The following NRBF2 variants were observed in gnomAD, a reference collection of about 807,000 sequenced individuals.
NRBF2 encodes nuclear receptor binding factor 2.
NRBF2 carries 12 observed loss-of-function variants against 28.5 expected under a neutral mutation model. The ratio of observed to expected loss-of-function variants is 0.42; its 90% CI spans 0.27 to 0.68. NRBF2 has a LOEUF of 0.68. Ranked by LOEUF, NRBF2 falls within the 30% of genes least tolerant of loss-of-function variation. NRBF2 has a pLI of 0.24. For missense variants in NRBF2, 274 were observed against 333.5 expected (o/e 0.82, Z 1.39); for synonymous variants, 102 against 116.5 (o/e 0.88, Z 0.80).
chr10:63,144,554 A>G (rs1435874046), intron 1 of NRBF2, among the ~76,000 whole-genome samples: 1 of 151,956 alleles, frequency 6.6e-6, no homozygotes, highest in Admixed American at 6.6e-5. Context: ...AGCTGGGACA[A>G]CAGGTGCCCC....
chr10:63,149,067 G>A (rs138534244), intron 2 of NRBF2, among the ~76,000 whole-genome samples: 50 of 152,306 alleles, frequency 3.3e-4, no homozygotes, highest in African/African-American at 1.2e-3. Context: ...CTTTGTATGC[G>A]TTGGGACCAG....
intron 2 of NRBF2, among the ~76,000 whole-genome samples, chr10:63,150,528 G>T (rs12415984): frequency 6.6e-6 from 1 of 151,790 alleles, no homozygotes; most frequent in Non-Finnish European, 1.5e-5. Flanking sequence ...TAGCCACTGC[G>T]CCTGGCTCCA....
Position 63,133,341 on chromosome 10 carries a change from C to G in NRBF2, c.-130C>G. The G allele has an allele frequency of 9.2e-7, 1 of 1,088,832 alleles. No individual in the cohort carries two copies. The allele number at this position is 1,088,832 out of a possible 1,614,324, so 67.4% of individuals were successfully genotyped here. A position where few individuals can be genotyped will look rare whatever the true frequency, so the allele number is the denominator to read the frequency against. ...GGTGAGGTTGTTGCTCCTTCAGCGC[C>G]TATCGCTGGCTCTTGGGGCGCAGAG... On this transcript the variant is annotated 5_prime_UTR_variant, in exon 1 of 4. Coordinates refer to ENST00000277746, the MANE Select transcript of NRBF2 (RefSeq NM_030759.5).
At chr10:63,136,293 G>A (rs1482131888) in intron 1 of NRBF2, among the ~76,000 whole-genome samples, 1 of 151,894 alleles carries the variant, frequency 6.6e-6, no homozygotes, top group Non-Finnish European at 1.5e-5. Flanking sequence ...CACCCTGCCC[G>A]GCTATGAAAA....
At chr10:63,152,259 TA>T in intron 3 of NRBF2, 69 bp downstream of exon 3, 1 of 1,198,770 alleles carries the variant, frequency 8.3e-7, no homozygotes, top group Non-Finnish European at 1.2e-6. Flanking sequence ...GAATTGTGTG[TA>T]AAGCAAAGCA....
intron 1 of NRBF2, among the ~76,000 whole-genome samples, chr10:63,134,557 T>TA (rs1361438718): frequency 1.3e-5 from 2 of 152,202 alleles, no homozygotes; most frequent in African/African-American, 2.4e-5. Flanking sequence ...CGTCACTTGA[T>TA]ATCTGTGTTA....
intron 1 of NRBF2, among the ~76,000 whole-genome samples, chr10:63,145,101 C>CTTTT (rs34823556): frequency 5.9e-4 from 51 of 85,890 alleles, no homozygotes; most frequent in South Asian, 1.2e-3. Context: ...TATATTAAAG[C>CTTTT]TTTTTTTTTT....
chr10:63,147,603 C>T (rs1311503573), intron 2 of NRBF2, among the ~76,000 whole-genome samples: 2 of 144,532 alleles, frequency 1.4e-5, no homozygotes, highest in Non-Finnish European at 3.0e-5. Flanking sequence ...TTAGCCACTG[C>T]TCTCAGCCTT....
chr10:63,151,878 T>C (rs905093653), intron 2 of NRBF2, among the ~76,000 whole-genome samples: 2 of 152,176 alleles, frequency 1.3e-5, no homozygotes, highest in Non-Finnish European at 2.9e-5. Context: ...CTAAACCTAT[T>C]TTTCTGATTA....
rs1422786502 is a variant in NRBF2 at position 63,134,864 on chromosome 10, C to CGAATTGGACTACATTTG, written c.30+1365_30+1381dup. Among the ~76,000 whole-genome samples, 4 of 152,238 alleles carry CGAATTGGACTACATTTG rather than the reference C, an allele frequency of 2.6e-5. No homozygotes were observed. In the East Asian group the frequency reaches 7.7e-4, roughly 29 times the overall value. On this transcript the variant is annotated intron_variant, in intron 1 of 3. Transcript: ENST00000277746. Reference sequence around the variant, plus strand: ...AGGTGGTAGGTATTTACACTTAAGACGAATTGGACTACATTTGCGAGTTTT... The same window carrying CGAATTGGACTACATTTG: ...AGGTGGTAGGTATTTACACTTAAGACGAATTGGACTACATTTGGAATTGGACTACATTTGCGAGTTTT...
intron 1 of NRBF2, among the ~76,000 whole-genome samples, chr10:63,136,529 G>A (rs1841381366): frequency 6.6e-6 from 1 of 152,222 alleles, no homozygotes; most frequent in Non-Finnish European, 1.5e-5. Context: ...ACATGGATTT[G>A]TAATCATGTG....
Position 63,154,101 on chromosome 10 carries a change from T to C in NRBF2, c.747T>C (p.Asn249=). The part of the protein sequence containing the change: ...ASSTWQKFAA[N]TGKAKDIPIP... ...CAACCTGGCAGAAGTTCGCAGCAAA[T>C]ACTGGGAAAGCCAAGGACATTCCAA... The change falls in exon 4 of 4, where the codon AAT becomes AAC. Residue 249 remains asparagine, a synonymous_variant. Coordinates refer to ENST00000277746, the MANE Select transcript of NRBF2 (RefSeq NM_030759.5). The C allele has an allele frequency of 6.2e-7, 1 of 1,613,924 alleles. No individual in the cohort carries two copies.
chr10:63,153,003 T>C (rs1841672697), intron 3 of NRBF2, among the ~76,000 whole-genome samples: 3 of 152,122 alleles, frequency 2.0e-5, no homozygotes. Flanking sequence ...AAAATAAATA[T>C]ATATAAAATA....
chr10:63,134,219 C>G, intron 1 of NRBF2, among the ~76,000 whole-genome samples: 1 of 152,104 alleles, frequency 6.6e-6, no homozygotes, highest in African/African-American at 2.4e-5. Context: ...TGTTTTAAGG[C>G]GTTTCAGGTG....
At chr10:63,152,898 G>C (rs950272494) in intron 3 of NRBF2, among the ~76,000 whole-genome samples, 6 of 152,216 alleles carry the variant, frequency 3.9e-5, no homozygotes, top group African/African-American at 1.2e-4. Flanking sequence ...TTGGGAGGTT[G>C]AGGTGAGAGG....
rs780148019 is a variant in NRBF2 at position 63,133,460 on chromosome 10, C to T, written c.-11C>T. ...CTCCCCTTCCTAAGGCCGCCGCTTACCCCGGGGTCTATGGAAGTAATGGAA... is the reference window on the plus strand; with the variant it reads ...CTCCCCTTCCTAAGGCCGCCGCTTATCCCGGGGTCTATGGAAGTAATGGAA... On this transcript the variant is annotated 5_prime_UTR_variant, in exon 1 of 4. Coordinates refer to ENST00000277746, the MANE Select transcript of NRBF2 (RefSeq NM_030759.5). The T allele has an allele frequency of 7.4e-6, 12 of 1,611,852 alleles. No individual in the cohort carries two copies. Among genetic ancestry groups the T allele is most frequent in the South Asian group, 6.6e-5 (6 of 91,006 alleles).
At chr10:63,151,191 A>G (rs1331130001) in intron 2 of NRBF2, among the ~76,000 whole-genome samples, 1 of 152,256 alleles carries the variant, frequency 6.6e-6, no homozygotes, top group Non-Finnish European at 1.5e-5. Context: ...ACAGAAAGCA[A>G]TGCCTCGTAG....
intron 1 of NRBF2, among the ~76,000 whole-genome samples, chr10:63,135,663 T>C (rs75524498): frequency 6.6e-5 from 10 of 151,484 alleles, no homozygotes; most frequent in Non-Finnish European, 1.2e-4. Context: ...TTTTTTTTTT[T>C]TTGAGATGGA....
chr10:63,141,634 CTT>C (rs1253346514), intron 1 of NRBF2, among the ~76,000 whole-genome samples: 3 of 152,104 alleles, frequency 2.0e-5, no homozygotes, highest in South Asian at 2.1e-4. Flanking sequence ...TTCACAAACT[CTT>C]TTGTTTTTGG....
Sources: gnomAD v4.1 joint callset for allele counts (sites outside exome capture counted in the v4.1 genomes callset) on GRCh38, gnomAD v4.1.1 for gene constraint, MANE v1.5 for transcripts, NCBI Gene and HGNC (gene_info 2026-07-23, HGNC 2026-07-21) for gene names.